The following HIVEP2 variants were observed in gnomAD, a reference collection of about 807,000 sequenced individuals.
HIVEP2 encodes transcription factor HIVEP2.
Under a neutral mutation model 180.7 loss-of-function variants are expected in HIVEP2, and 14 were observed. That is an observed-to-expected ratio of 0.08 (90% confidence interval 0.05 to 0.12). The LOEUF (loss-of-function observed/expected upper bound fraction) is 0.12, where lower values mean the gene tolerates loss of function less well. Among genes scored for constraint, HIVEP2 ranks in the 10% least tolerant of loss-of-function variants. The pLI, the probability that HIVEP2 is intolerant of heterozygous loss-of-function variation, is 1.00. For missense variants in HIVEP2, 2,579 were observed against 3,008.5 expected (o/e 0.86, Z 3.34); for synonymous variants, 1,184 against 1,136.4 (o/e 1.04, Z -0.84).
chr6:142,930,257 A>C (rs1777911232), intron 1 of HIVEP2, among the ~76,000 whole-genome samples: 1 of 152,210 alleles, frequency 6.6e-6, no homozygotes, highest in South Asian at 2.1e-4. Flanking sequence ...ATGAAGAGAG[A>C]AGTGAATCAT....
At chr6:142,851,293 C>G (rs571389236) in intron 1 of HIVEP2, among the ~76,000 whole-genome samples, 1 of 152,304 alleles carries the variant, frequency 6.6e-6, no homozygotes, top group South Asian at 2.1e-4. Context: ...TATATACAGA[C>G]ACACAGGTAC....
At chr6:142,793,640 CT>C (rs1562521208) in intron 2 of HIVEP2, among the ~76,000 whole-genome samples, 1 of 37,110 alleles carries the variant, frequency 2.7e-5, no homozygotes, top group African/African-American at 8.4e-5. Flanking sequence ...TTCTTTCTTT[CT>C]TTCTTTCTTT....
intron 1 of HIVEP2, among the ~76,000 whole-genome samples, chr6:142,933,582 ATT>A (rs1329094541): frequency 6.6e-6 from 1 of 152,158 alleles, no homozygotes; most frequent in Admixed American, 6.6e-5. Context: ...AAGATGTAAA[ATT>A]TTTCCAGATG....
intron 1 of HIVEP2, among the ~76,000 whole-genome samples, chr6:142,858,124 T>G (rs1309190373): frequency 6.6e-6 from 1 of 152,184 alleles, no homozygotes; most frequent in African/African-American, 2.4e-5. Flanking sequence ...GGACTAACAG[T>G]GACATAAAGC....
chr6:142,945,070 CCG>C lies in HIVEP2; in HGVS notation c.-641+27_-641+28del, dbSNP rs2128442782. Reference sequence around the variant, plus strand: ...CCGCCAGCCCGCCCGGCCGCCTGCGCCGCGCGCCGCGGCCCCCTCCCCCGCTA... The same window carrying C: ...CCGCCAGCCCGCCCGGCCGCCTGCGCCGCGCCGCGGCCCCCTCCCCCGCTA... On this transcript the variant is annotated intron_variant, in intron 1 of 9. Transcript: ENST00000367603. This position sits in a 1 kb window ranked among gnomAD's most constrained non-coding sequence, Gnocchi z 5.5. The C allele has an allele frequency of 6.8e-6, 1 of 146,528 alleles. No individual in the cohort carries two copies. The highest frequency in any genetic ancestry group is 6.8e-5 in the Admixed American group (1 of 14,772). 9.1% of individuals were successfully genotyped at this position (146,528 alleles called of 1,614,324 possible).
chr6:142,769,882 C>T lies in HIVEP2; in HGVS notation c.4857G>A (p.Val1619=), dbSNP rs200341239. 2.4e-4 allele frequency: 393 copies of T among 1,614,096 alleles called. 5 individuals are homozygous for T. In the South Asian group the frequency reaches 4.1e-3, roughly 17 times the overall value. ...VRMASAPSGN[V]ADSTLLLTDM... is the part of the protein sequence containing the mutation. ...CCGTGAGAAGAAGAGTTGAGTCTGC[C>T]ACGTTCCCGCTGGGGGCAGAGGCCA... Residue 1619 remains valine, a synonymous_variant, in exon 5 of 10, where the codon GTG becomes GTA. Coordinates refer to ENST00000367603, the MANE Select transcript of HIVEP2 (RefSeq NM_006734.4).
At chr6:142,814,583 A>G (rs1028818876) in intron 2 of HIVEP2, among the ~76,000 whole-genome samples, 5 of 152,188 alleles carry the variant, frequency 3.3e-5, no homozygotes, top group Admixed American at 6.5e-5. Context: ...CAGTGTGATG[A>G]GAAGGTGAGA....
chr6:142,798,084 TGAG>T (rs1312245760), intron 2 of HIVEP2, among the ~76,000 whole-genome samples: 1 of 152,090 alleles, frequency 6.6e-6, no homozygotes, highest in Non-Finnish European at 1.5e-5. Context: ...CTTATGGTGG[TGAG>T]GAGAGAAAGT....
intron 1 of HIVEP2, among the ~76,000 whole-genome samples, chr6:142,899,637 G>A (rs1165597182): frequency 6.6e-6 from 1 of 152,202 alleles, no homozygotes; most frequent in Non-Finnish European, 1.5e-5. Context: ...GAAACAATGA[G>A]GCAAGAATAG....
chr6:142,847,950 A>C (rs1215756759), intron 1 of HIVEP2, among the ~76,000 whole-genome samples: 1 of 152,236 alleles, frequency 6.6e-6, no homozygotes, highest in Non-Finnish European at 1.5e-5. Context: ...TATATAACAT[A>C]ATTCTGCAAT....
intron 1 of HIVEP2, among the ~76,000 whole-genome samples, chr6:142,930,149 C>T (rs1045101775): frequency 2.0e-5 from 3 of 152,164 alleles, no homozygotes; most frequent in African/African-American, 7.2e-5. Context: ...CTGTGTTGTT[C>T]CTCTACAGCC....
Position 142,756,061 on chromosome 6 carries a change from G to C in HIVEP2, c.6517-2130C>G, listed in dbSNP as rs143998173. 2.9e-3 allele frequency among the ~76,000 whole-genome samples: 439 copies of C among 152,344 alleles called. 2 individuals carry two copies. Among genetic ancestry groups the C allele is most frequent in the African/African-American group, 9.8e-3 (408 of 41,570 alleles). ...AAATTTTGTCGTGGAAAAACAAATA[G>C]TGAATTCAAATGTAGATTATGTTAA... On this transcript the variant is annotated intron_variant, in intron 9 of 9. Transcript: ENST00000367603.
At chr6:142,927,369 C>T (rs571625918) in intron 1 of HIVEP2, among the ~76,000 whole-genome samples, 31 of 151,268 alleles carry the variant, frequency 2.0e-4, no homozygotes, top group Non-Finnish European at 2.8e-4. Context: ...TGAAAAATCA[C>T]GTAAGTGTTG....
intron 2 of HIVEP2, among the ~76,000 whole-genome samples, chr6:142,810,556 G>A (rs1776667001): frequency 1.3e-5 from 2 of 152,060 alleles, no homozygotes; most frequent in Non-Finnish European, 2.9e-5. Context: ...GAGGACAGGA[G>A]TTTGTGGTCA....
intron 2 of HIVEP2, among the ~76,000 whole-genome samples, chr6:142,792,933 A>G (rs1776175955): frequency 6.6e-6 from 1 of 152,112 alleles, no homozygotes; most frequent in Non-Finnish European, 1.5e-5. Context: ...TCCCTTCTTA[A>G]TATCTCAGAA....
intron 2 of HIVEP2, among the ~76,000 whole-genome samples, chr6:142,817,646 G>A (rs1045345394): frequency 2.6e-5 from 4 of 152,132 alleles, no homozygotes; most frequent in Non-Finnish European, 5.9e-5. Flanking sequence ...ACAAGGCAAC[G>A]GAAGAACACC....
chr6:142,879,900 C>T (rs926576675), intron 1 of HIVEP2, among the ~76,000 whole-genome samples: 1 of 152,156 alleles, frequency 6.6e-6, no homozygotes, highest in African/African-American at 2.4e-5. Context: ...GCCATGATCT[C>T]TGACTTCCAA....
chr6:142,802,397 G>A (rs1776435514), intron 2 of HIVEP2, among the ~76,000 whole-genome samples: 1 of 152,008 alleles, frequency 6.6e-6, no homozygotes, highest in South Asian at 2.1e-4. Flanking sequence ...AGTCCAGTAA[G>A]AACAGGACAC....
intron 2 of HIVEP2, among the ~76,000 whole-genome samples, chr6:142,794,745 T>G (rs966650854): frequency 6.6e-6 from 1 of 152,218 alleles, no homozygotes; most frequent in Non-Finnish European, 1.5e-5. Flanking sequence ...TGCAGTGTAC[T>G]GAAGCGGGTG....
Sources: gnomAD v4.1 joint callset for allele counts (sites outside exome capture counted in the v4.1 genomes callset) on GRCh38, gnomAD v4.1.1 for gene constraint, Gnocchi (gnomAD v3.1) non-coding constraint, MANE v1.5 for transcripts, NCBI Gene and HGNC (gene_info 2026-07-23, HGNC 2026-07-21) for gene names.